Variants in LINGO2 observed in about 807,000 individuals in gnomAD.
LINGO2 encodes leucine-rich repeat and immunoglobulin-like domain-containing nogo receptor-interacting protein 2.
LINGO2 carries 14 observed loss-of-function variants against 30.6 expected under a neutral mutation model. The ratio of observed to expected loss-of-function variants is 0.46; its 90% confidence interval spans 0.30 to 0.72. The LOEUF is 0.72. Among genes scored for constraint, LINGO2 ranks in the 30% least tolerant of loss-of-function variants. The probability of loss-of-function intolerance (pLI) is 0.07; values close to 1 mark genes in which losing one functional copy is unlikely to be tolerated. For missense variants in LINGO2, 729 were observed against 751.7 expected, an observed-to-expected ratio of 0.97 and a Z score of 0.35; for synonymous variants, 317 against 288.5, an observed-to-expected ratio of 1.10 and a Z score of -1.00.
chr9:28,346,832 C>A (rs949909723), intron 3 of LINGO2, among the ~76,000 whole-genome samples: 10 of 151,704 alleles, frequency 6.6e-5, no homozygotes, highest in African/African-American at 2.2e-4. Flanking sequence ...ACATGTATGC[C>A]TTCTTAGAGA....
chr9:28,379,364 ATT>A (rs1382361303), intron 2 of LINGO2, among the ~76,000 whole-genome samples: 1 of 152,012 alleles, frequency 6.6e-6, no homozygotes, highest in Non-Finnish European at 1.5e-5. Flanking sequence ...TGAAATCATG[ATT>A]TTTTTCTCTC....
At chr9:28,754,913 A>C in the LINGO2 span, among the ~76,000 whole-genome samples, 10 of 151,936 alleles carry the variant, frequency 6.6e-5, no homozygotes, top group African/African-American at 2.4e-4. Flanking sequence ...TTACAGGCAT[A>C]AGCCACCACG....
rs115476385 is a variant in LINGO2 at position 28,670,007 on chromosome 9, C to T, written c.-365+193G>A. Among the ~76,000 whole-genome samples, 425 of 152,064 alleles carry T rather than the reference C, an allele frequency of 2.8e-3. 2 individuals are homozygous for T. The highest frequency in any genetic ancestry group is 9.6e-3 in the African/African-American group (400 of 41,528). On this transcript the variant is annotated intron_variant, in intron 1 of 5. Transcript: ENST00000379992. ...TATAAACCCAGCAGTGGATTGTCAA[C>T]ATGCCAATAACTTCCTCCAGTCACT...
chr9:28,919,550 T>G, the LINGO2 span, among the ~76,000 whole-genome samples: 1 of 152,140 alleles, frequency 6.6e-6, no homozygotes, highest in Non-Finnish European at 1.5e-5. Context: ...GCCAGACTCA[T>G]GTATCTTTTG....
At chr9:28,293,681 C>A (rs922196320) in intron 4 of LINGO2, among the ~76,000 whole-genome samples, 1 of 151,920 alleles carries the variant, frequency 6.6e-6, no homozygotes, top group East Asian at 1.9e-4. Context: ...GGAATGTTAA[C>A]GTCTCCAAAA....
At chr9:28,432,853 T>A (rs1246874931) in intron 2 of LINGO2, among the ~76,000 whole-genome samples, 4 of 152,118 alleles carry the variant, frequency 2.6e-5, no homozygotes, top group Non-Finnish European at 5.9e-5. Flanking sequence ...TTGACTACAT[T>A]TTCAATTTAT....
chr9:29,081,644 C>A, the LINGO2 span, among the ~76,000 whole-genome samples: 2 of 152,104 alleles, frequency 1.3e-5, no homozygotes, highest in Non-Finnish European at 2.9e-5. Context: ...GTCAAATTGT[C>A]CCTGTTTGCA....
the LINGO2 span, among the ~76,000 whole-genome samples, chr9:28,948,716 T>A: frequency 6.6e-6 from 1 of 152,142 alleles, no homozygotes; most frequent in Non-Finnish European, 1.5e-5. Flanking sequence ...AAATCTTGGT[T>A]ATGCAAATCA....
intron 3 of LINGO2, among the ~76,000 whole-genome samples, chr9:28,349,963 A>G (rs1819782686): frequency 6.6e-6 from 1 of 152,284 alleles, no homozygotes; most frequent in South Asian, 2.1e-4. Flanking sequence ...AGATTTTGTC[A>G]CCACCAGGCC....
At chr9:29,189,996 A>G in the LINGO2 span, among the ~76,000 whole-genome samples, 1 of 133,626 alleles carries the variant, frequency 7.5e-6, no homozygotes, top group East Asian at 2.7e-4. Context: ...TCAGAGGGAG[A>G]CCGTGGAAAG....
chr9:28,301,358 C>T (rs1262144100), intron 3 of LINGO2, among the ~76,000 whole-genome samples: 3 of 145,060 alleles, frequency 2.1e-5, no homozygotes, highest in African/African-American at 7.8e-5. Context: ...AAATCCATGA[C>T]AAGTTAAAAA....
At chr9:28,612,530 A>G (rs932745299) in intron 1 of LINGO2, among the ~76,000 whole-genome samples, 3 of 152,178 alleles carry the variant, frequency 2.0e-5, no homozygotes, top group Non-Finnish European at 2.9e-5. Context: ...TTATCATTTC[A>G]GAGCTTTATG....
the LINGO2 span, among the ~76,000 whole-genome samples, chr9:29,165,973 G>A: frequency 6.6e-6 from 1 of 152,090 alleles, no homozygotes; most frequent in South Asian, 2.1e-4. Context: ...ATAAAATTGT[G>A]TATACTTAGT....
At chr9:28,739,333 C>G in the LINGO2 span, among the ~76,000 whole-genome samples, 1 of 151,830 alleles carries the variant, frequency 6.6e-6, no homozygotes, top group African/African-American at 2.4e-5. Context: ...TTGTAAAGGG[C>G]AGATAATATT....
At chr9:28,222,838 A>AG (rs1350158470) in intron 4 of LINGO2, among the ~76,000 whole-genome samples, 3 of 152,158 alleles carry the variant, frequency 2.0e-5, no homozygotes, top group African/African-American at 7.2e-5. Context: ...AGATATGAAG[A>AG]GGGGGCGATT....
chr9:28,433,945 CTCTCTATA>C (rs1456963199), intron 2 of LINGO2, among the ~76,000 whole-genome samples: 1,123 of 57,284 alleles, frequency 0.02, 51 homozygotes, highest in Admixed American at 0.089. Context: ...CTCTCTCTCT[CTCTCTATA>C]TATATATATA....
At chr9:28,013,338 T>C (rs1398223975) in intron 4 of LINGO2, among the ~76,000 whole-genome samples, 1 of 152,164 alleles carries the variant, frequency 6.6e-6, no homozygotes, top group East Asian at 1.9e-4. Context: ...ATCCAGACGA[T>C]TGTAACATGT....
At chr9:28,959,647 G>C in the LINGO2 span, among the ~76,000 whole-genome samples, 3,569 of 123,688 alleles carry the variant, frequency 0.029, 43 homozygotes, top group Middle Eastern at 0.061. Context: ...CACACACACA[G>C]AGAACAATGA....
intron 5 of LINGO2, among the ~76,000 whole-genome samples, chr9:27,976,250 G>A (rs1282353507): frequency 6.6e-6 from 1 of 152,080 alleles, no homozygotes; most frequent in Non-Finnish European, 1.5e-5. Context: ...TTTTAGGACA[G>A]CAATTAACAA....
Sources: allele counts gnomAD v4.1 joint callset (sites outside exome capture counted in the v4.1 genomes callset), GRCh38; gene constraint gnomAD v4.1.1; transcripts MANE v1.5; gene names NCBI Gene and HGNC (gene_info 2026-07-23, HGNC 2026-07-21).